Variants in GYPC observed in about 807,000 individuals in gnomAD.
GYPC encodes the protein glycophorin C (Gerbich blood group), also known as glycophorin-C.
Under a neutral mutation model 12.6 loss-of-function variants are expected in GYPC, and 14 were observed. That is an observed-to-expected ratio of 1.11 (90% CI 0.74 to 1.74). GYPC has a LOEUF of 1.74. GYPC is among the 40% of genes most tolerant of loss of function. The probability of loss-of-function intolerance (pLI) is 0.00; values close to 1 mark genes in which losing one functional copy is unlikely to be tolerated. For missense variants in GYPC, 225 were observed against 172.1 expected (o/e 1.31, Z -1.72); for synonymous variants, 78 against 62.1 (o/e 1.26, Z -1.20).
intron 1 of GYPC, among the ~76,000 whole-genome samples, chr2:126,668,057 G>A (rs1157900444): frequency 1.3e-5 from 2 of 152,166 alleles, no homozygotes; most frequent in Non-Finnish European, 2.9e-5. Flanking sequence ...AGGTAACAGT[G>A]CCAGGCTGCT....
At chr2:126,664,909 G>A (rs1682636081) in intron 1 of GYPC, among the ~76,000 whole-genome samples, 1 of 152,090 alleles carries the variant, frequency 6.6e-6, no homozygotes, top group Admixed American at 6.5e-5. Context: ...CACAGCTGGA[G>A]TAGATGCTAG....
intron 1 of GYPC, among the ~76,000 whole-genome samples, chr2:126,660,027 A>G (rs1250273040): frequency 3.3e-5 from 5 of 152,284 alleles, no homozygotes; most frequent in Non-Finnish European, 5.9e-5. Context: ...GCCATAGGGC[A>G]CCCAGACACT....
At chr2:126,676,949 G>A (rs561208655) in intron 1 of GYPC, among the ~76,000 whole-genome samples, 1 of 152,300 alleles carries the variant, frequency 6.6e-6, no homozygotes, top group Admixed American at 6.5e-5. Context: ...GGAGGACAAA[G>A]GAGGGTTCAC....
chr2:126,694,853 C>T (rs1009732310), intron 3 of GYPC, among the ~76,000 whole-genome samples: 7 of 150,884 alleles, frequency 4.6e-5, no homozygotes, highest in Non-Finnish European at 7.4e-5. Flanking sequence ...CTCAAAACAC[C>T]CCCACCCCAT....
At chr2:126,671,030 C>T (rs1414795398) in intron 1 of GYPC, among the ~76,000 whole-genome samples, 1 of 152,172 alleles carries the variant, frequency 6.6e-6, no homozygotes, top group Admixed American at 6.5e-5. Context: ...GCCCACCTGA[C>T]CCCATTGCAC....
At chr2:126,668,146 A>G (rs1682738443) in intron 1 of GYPC, among the ~76,000 whole-genome samples, 2 of 152,234 alleles carry the variant, frequency 1.3e-5, no homozygotes, top group Admixed American at 6.5e-5. Context: ...AAAGTCACAC[A>G]CACACAAAAG....
chr2:126,679,657 C>G (rs1683101703), intron 1 of GYPC: 1 of 152,140 alleles, frequency 6.6e-6, no homozygotes, highest in Non-Finnish European at 1.5e-5. Flanking sequence ...GCGGGTGGAT[C>G]ACCTGAGGTC....
Position 126,678,427 on chromosome 2 carries a change from C to T in GYPC, c.50-11828C>T, listed in dbSNP as rs574546053. 2.6e-5 allele frequency: 4 copies of T among 152,578 alleles called. No individual in the cohort carries two copies. The East Asian group carries it at 7.7e-4, about 29-fold the overall frequency. The allele number at this position is 152,578 out of a possible 1,614,324, so 9.5% of individuals were successfully genotyped here. Reference sequence around the variant, plus strand: ...CCTTTCCTGCGAGCCTGGTCACCACCCTCTGCTGCAGGCTCCCTCCCCATC... The same window carrying T: ...CCTTTCCTGCGAGCCTGGTCACCACTCTCTGCTGCAGGCTCCCTCCCCATC... On this transcript the variant is annotated intron_variant, in intron 1 of 3. Transcript: ENST00000259254.
chr2:126,695,892 C>T (rs1683627138), intron 3 of GYPC, 54 bp from the exon 4 acceptor site: 3 of 1,444,092 alleles, frequency 2.1e-6, no homozygotes, highest in Non-Finnish European at 2.9e-6. Flanking sequence ...ACCACCATCC[C>T]AGGCCCCAGA....
At position 126,696,235 on chromosome 2, in the gene GYPC, C is replaced by T. The variant is rs1683641723; in HGVS notation, c.*93C>T. On this transcript the variant is annotated 3_prime_UTR_variant, in exon 4 of 4. Transcript: ENST00000259254. ...CAGCACCCCTGCTGATACCACCAGA[C>T]AGAGAGAGAGAGCACTTGATTCTTC... 2.2e-6 allele frequency: 2 copies of T among 907,126 alleles called. No individual in the cohort carries two copies. The highest frequency in any genetic ancestry group is 3.6e-6 in the Non-Finnish European group (2 of 558,530). The allele number at this position is 907,126 out of a possible 1,614,324, so 56.2% of individuals were successfully genotyped here.
At chr2:126,683,394 C>T (rs1223234913) in intron 1 of GYPC, among the ~76,000 whole-genome samples, 1 of 152,098 alleles carries the variant, frequency 6.6e-6, no homozygotes, top group Non-Finnish European at 1.5e-5. Context: ...AAAGTCCTCT[C>T]CCCAGTGGTG....
At chr2:126,677,568 TGTGTGTGA>T (rs1240153707) in intron 1 of GYPC, among the ~76,000 whole-genome samples, 24 of 151,200 alleles carry the variant, frequency 1.6e-4, no homozygotes, top group African/African-American at 4.6e-4. Context: ...TGTGAGTGTA[TGTGTGTGA>T]GTGTGTGAGT....
intron 3 of GYPC, among the ~76,000 whole-genome samples, chr2:126,694,225 A>G (rs946364069): frequency 3.3e-5 from 5 of 152,132 alleles, no homozygotes; most frequent in Non-Finnish European, 7.3e-5. Flanking sequence ...GTTTTGGTGA[A>G]GGAGGTTGAG....
intron 1 of GYPC, among the ~76,000 whole-genome samples, chr2:126,663,263 CCT>C (rs1682586070): frequency 6.6e-6 from 1 of 152,160 alleles, no homozygotes; most frequent in Non-Finnish European, 1.5e-5. Context: ...GTCTCAATCT[CCT>C]GACCTCCTGA....
At chr2:126,665,641 A>G (rs893386223) in intron 1 of GYPC, among the ~76,000 whole-genome samples, 5 of 152,174 alleles carry the variant, frequency 3.3e-5, no homozygotes, top group Admixed American at 3.3e-4. Context: ...ATCACCTCAG[A>G]TGGGGGCCCA....
chr2:126,684,233 C>A (rs977955554), intron 1 of GYPC, among the ~76,000 whole-genome samples: 2 of 152,184 alleles, frequency 1.3e-5, no homozygotes, highest in Non-Finnish European at 2.9e-5. Flanking sequence ...ACAGGCTGGT[C>A]AAGTTCACAT....
intron 3 of GYPC, among the ~76,000 whole-genome samples, chr2:126,695,191 C>T (rs903934972): frequency 6.6e-6 from 1 of 152,140 alleles, no homozygotes; most frequent in African/African-American, 2.4e-5. Flanking sequence ...ATCTTTTTTC[C>T]CCCTGTATAG....
At position 126,666,000 on chromosome 2, in the gene GYPC, C is replaced by T. The variant is rs919178622; in HGVS notation, c.49+9688C>T. Among the ~76,000 whole-genome samples the T allele has an allele frequency of 5.3e-4, 80 of 152,292 alleles. No homozygotes were observed. The East Asian group carries it at 6.0e-3, about 11-fold the overall frequency. ...TGACCCCTTGCCCTTCTGCTCAGATCGTTACAGCCCTGAGGTCGCTCTCCT... is the reference window on the plus strand; with the variant it reads ...TGACCCCTTGCCCTTCTGCTCAGATTGTTACAGCCCTGAGGTCGCTCTCCT... On this transcript the variant is annotated intron_variant, in intron 1 of 3. Coordinates refer to ENST00000259254, the MANE Select transcript of GYPC (RefSeq NM_002101.5).
At chr2:126,677,506 A>AGGGTGTGTGAGTCTGT (rs1683033499) in intron 1 of GYPC, among the ~76,000 whole-genome samples, 1 of 136,726 alleles carries the variant, frequency 7.3e-6, no homozygotes, top group African/African-American at 2.8e-5. Flanking sequence ...TGTGTATGAG[A>AGGGTGTGTGAGTCTGT]GTGTGTGTGA....
Sources: gnomAD v4.1 joint callset for allele counts (sites outside exome capture counted in the v4.1 genomes callset) on GRCh38, gnomAD v4.1.1 for gene constraint, MANE v1.5 for transcripts, NCBI Gene and HGNC (gene_info 2026-07-23, HGNC 2026-07-21) for gene names.